The following SRGAP1 variants were observed in gnomAD, a reference collection of about 807,000 sequenced individuals.
SRGAP1 encodes the protein SLIT-ROBO Rho GTPase-activating protein 1.
In SRGAP1, 43 loss-of-function variants were observed where a neutral mutation model predicts 121.9. The ratio of observed to expected loss-of-function variants is 0.35; its 90% confidence interval spans 0.28 to 0.46. The LOEUF is 0.46. SRGAP1 is among the 20% of genes least tolerant of loss of function. The probability of loss-of-function intolerance (pLI) is 1.00; values close to 1 mark genes in which losing one functional copy is unlikely to be tolerated. For synonymous variants in SRGAP1, 447 were observed against 485.4 expected (o/e 0.92, Z 1.04); for missense variants, 1,102 against 1,350.9 (o/e 0.82, Z 2.89).
At chr12:64,033,034 C>T (rs1473417656) in intron 4 of SRGAP1, among the ~76,000 whole-genome samples, 2 of 152,044 alleles carry the variant, frequency 1.3e-5, no homozygotes, top group African/African-American at 2.4e-5. Context: ...AAAAAAAATG[C>T]CGCTCTGTAT....
intron 4 of SRGAP1, among the ~76,000 whole-genome samples, chr12:64,041,363 A>T (rs923736829): frequency 1.5e-5 from 2 of 134,288 alleles, no homozygotes; most frequent in East Asian, 2.1e-4. Flanking sequence ...ATTTTATTTT[A>T]TTTATTTATT....
intron 17 of SRGAP1, among the ~76,000 whole-genome samples, chr12:64,114,605 C>T (rs1267701727): frequency 1.3e-5 from 2 of 152,196 alleles, no homozygotes; most frequent in African/African-American, 4.8e-5. Flanking sequence ...CCCACCTTGG[C>T]CTTCCAAAGT....
chr12:64,113,390 A>G (rs963657545), intron 17 of SRGAP1, among the ~76,000 whole-genome samples: 4 of 152,162 alleles, frequency 2.6e-5, no homozygotes, highest in Admixed American at 2.6e-4. Context: ...CCTGGGTGAC[A>G]GAGCAAGATT....
At position 63,990,046 on chromosome 12, in the gene SRGAP1, G is replaced by A; in HGVS notation, c.400G>A (p.Glu134Lys). The A allele has an allele frequency of 6.2e-7, 1 of 1,610,988 alleles. No homozygotes were observed. The highest frequency in any genetic ancestry group is 8.5e-7 in the Non-Finnish European group (1 of 1,178,996). ...GATTATGCGGTTCATGCAGATAAGT[G>A]AGGATTCTACCAGGATGTTTAAAAA... ...NVIMRFMQISEDSTRMFKKSK... is the reference protein window; with the variant it reads ...NVIMRFMQISKDSTRMFKKSK... Residue 134 changes from glutamate to lysine, a missense_variant, in exon 3 of 22, where the codon GAG becomes AAG. Physicochemically the swap from Glu to Lys is moderately conservative, Grantham distance 56 (BLOSUM62 1). Coordinates refer to ENST00000355086, the MANE Select transcript of SRGAP1 (RefSeq NM_020762.4).
At chr12:64,109,644 A>T (rs2036400656) in intron 16 of SRGAP1, among the ~76,000 whole-genome samples, 1 of 152,208 alleles carries the variant, frequency 6.6e-6, no homozygotes, top group East Asian at 1.9e-4. Context: ...TATGGGTTCC[A>T]TTATAAGAAC....
At chr12:63,959,763 TA>T (rs2136377738) in intron 1 of SRGAP1, among the ~76,000 whole-genome samples, 1 of 152,290 alleles carries the variant, frequency 6.6e-6, no homozygotes, top group South Asian at 2.1e-4. Flanking sequence ...AACCATATAA[TA>T]TGCATTCTTA....
In SRGAP1 at chr12:63,959,104, C is replaced by G. The variant is rs568307443; in HGVS notation, c.68-24843C>G. Among the ~76,000 whole-genome samples the G allele has an allele frequency of 1.1e-3, 160 of 152,168 alleles. 1 individual carries two copies. Among genetic ancestry groups the G allele is most frequent in the Middle Eastern group, 0.01 (3 of 294 alleles). The stretch of plus-strand genomic sequence containing the variant: ...AGTCAAAACATGACCCTAGCAAGAC[C>G]CAAAATTTAATTTGGGGCAATCTGT... On this transcript the variant is annotated intron_variant, in intron 1 of 21. Transcript: ENST00000355086.
chr12:64,077,117 A>G (rs1490464588), intron 8 of SRGAP1, among the ~76,000 whole-genome samples: 1 of 152,222 alleles, frequency 6.6e-6, no homozygotes, highest in Non-Finnish European at 1.5e-5. Context: ...AAACCCAAAG[A>G]TGAATGGAAA....
At position 64,028,120 on chromosome 12, in the gene SRGAP1, A is replaced by G. The variant is rs555275694; in HGVS notation, c.489+11108A>G. On this transcript the variant is annotated intron_variant, in intron 4 of 21. Coordinates refer to ENST00000355086, the MANE Select transcript of SRGAP1 (RefSeq NM_020762.4). ...TCATTATGCATGTGCTTTCCCCTTCAACACTGCCAACTACTTGAAACTTTT... is the reference window on the plus strand; with the variant it reads ...TCATTATGCATGTGCTTTCCCCTTCGACACTGCCAACTACTTGAAACTTTT... 2.4e-3 allele frequency among the ~76,000 whole-genome samples: 373 copies of G among 152,328 alleles called. 1 individual carries two copies. The highest frequency in any genetic ancestry group is 8.6e-3 in the African/African-American group (356 of 41,566).
chr12:63,867,531 A>G (rs1377751111), intron 1 of SRGAP1, among the ~76,000 whole-genome samples: 3 of 152,212 alleles, frequency 2.0e-5, no homozygotes, highest in Non-Finnish European at 4.4e-5. Flanking sequence ...AATTCAAATT[A>G]TGGCTACTCT....
intron 10 of SRGAP1, among the ~76,000 whole-genome samples, chr12:64,084,363 CGTT>C (rs72141718): frequency 0.37 from 56,091 of 151,580 alleles, 10,823 homozygotes; most frequent in East Asian, 0.61. Flanking sequence ...AGGAGTGGTC[CGTT>C]GTTTTTAATA....
intron 1 of SRGAP1, among the ~76,000 whole-genome samples, chr12:63,970,188 G>A (rs2032902809): frequency 6.6e-6 from 1 of 152,194 alleles, no homozygotes; most frequent in Non-Finnish European, 1.5e-5. Context: ...GGGGAGGAGA[G>A]TTTAAATTAA....
intron 18 of SRGAP1, among the ~76,000 whole-genome samples, chr12:64,122,554 T>G (rs1054204886): frequency 1.3e-5 from 2 of 152,240 alleles, no homozygotes; most frequent in Non-Finnish European, 2.9e-5. Flanking sequence ...TGTCATAACC[T>G]GACCACATTT....
At chr12:63,944,231 G>A (rs1231647898) in intron 1 of SRGAP1, among the ~76,000 whole-genome samples, 1 of 152,128 alleles carries the variant, frequency 6.6e-6, no homozygotes, top group Non-Finnish European at 1.5e-5. Context: ...AATAGTAAGT[G>A]GCAAAGCTTG....
intron 1 of SRGAP1, among the ~76,000 whole-genome samples, chr12:63,849,026 A>T (rs1238280866): frequency 6.6e-6 from 1 of 152,234 alleles, no homozygotes; most frequent in Non-Finnish European, 1.5e-5. Context: ...ATAGGTTTAA[A>T]TGGGGGACAA....
At chr12:63,900,255 G>A (rs549171728) in intron 1 of SRGAP1, among the ~76,000 whole-genome samples, 35 of 128,934 alleles carry the variant, frequency 2.7e-4, no homozygotes, top group African/African-American at 1.0e-3. Flanking sequence ...ACCCAGGCTG[G>A]AGTGCAGTGG....
chr12:64,092,473 C>T (rs891453550), intron 12 of SRGAP1, among the ~76,000 whole-genome samples: 1 of 147,098 alleles, frequency 6.8e-6, no homozygotes, highest in Non-Finnish European at 1.5e-5. Context: ...TACATATATA[C>T]ATACATACAT....
intron 6 of SRGAP1, among the ~76,000 whole-genome samples, chr12:64,052,758 G>A (rs1032775292): frequency 1.3e-5 from 2 of 151,958 alleles, no homozygotes; most frequent in Non-Finnish European, 2.9e-5. Context: ...TTTTTACTAT[G>A]CATTATATAC....
intron 1 of SRGAP1, among the ~76,000 whole-genome samples, chr12:63,929,682 G>GT (rs1460026965): frequency 3.0e-4 from 45 of 151,912 alleles, no homozygotes; most frequent in African/African-American, 1.0e-3. Context: ...CAGGCGAACT[G>GT]TATTTGCTGC....
Sources: allele counts gnomAD v4.1 joint callset (sites outside exome capture counted in the v4.1 genomes callset), GRCh38; gene constraint gnomAD v4.1.1; transcripts MANE v1.5; gene names NCBI Gene and HGNC (gene_info 2026-07-23, HGNC 2026-07-21).